PARD3B: variants seen among roughly 807,000 people sequenced by gnomAD.
The protein encoded by PARD3B is partitioning defective 3 homolog B.
PARD3B carries 103 observed loss-of-function variants against 130.2 expected under a neutral mutation model. That is an observed-to-expected ratio of 0.79 (90% CI 0.67 to 0.93). PARD3B has a LOEUF of 0.93. Ranked by LOEUF, PARD3B falls within the 40% of genes least tolerant of loss-of-function variation. PARD3B has a pLI of 0.00. For synonymous variants in PARD3B, 583 were observed against 553.2 expected (o/e 1.05, Z -0.76); for missense variants, 1,609 against 1,499.2 (o/e 1.07, Z -1.21).
chr2:205,438,876 C>T (rs2106154834), intron 19 of PARD3B, among the ~76,000 whole-genome samples: 1 of 152,268 alleles, frequency 6.6e-6, no homozygotes. Flanking sequence ...CATTTGTTTT[C>T]ATCTGTTGTA....
intron 18 of PARD3B, among the ~76,000 whole-genome samples, chr2:205,347,161 T>C (rs776784998): frequency 2.0e-5 from 3 of 152,210 alleles, no homozygotes; most frequent in Non-Finnish European, 4.4e-5. Flanking sequence ...GTTGTAGTTA[T>C]CACACTTTAT....
At chr2:205,574,991 A>AT (rs2053698230) in intron 22 of PARD3B, among the ~76,000 whole-genome samples, 1 of 151,820 alleles carries the variant, frequency 6.6e-6, no homozygotes, top group South Asian at 2.1e-4. Flanking sequence ...GACCCATCTC[A>AT]TAAGCTCCCT....
intron 11 of PARD3B, 28 bp from the exon 12 acceptor site, chr2:205,172,183 A>C (rs755740188): frequency 1.2e-6 from 2 of 1,608,136 alleles, no homozygotes; most frequent in East Asian, 4.5e-5. Flanking sequence ...TTCTCTGTTG[A>C]ATATTGTTTT....
At position 205,351,886 on chromosome 2, in the gene PARD3B, A is replaced by G. The variant is rs2044007438; in HGVS notation, c.2631-49127A>G. ...GCTTCTGAGGGATCTGTTTGTATACATAACATCCCAGTGTCTTTCTGTCAA... is the reference window on the plus strand; with the variant it reads ...GCTTCTGAGGGATCTGTTTGTATACGTAACATCCCAGTGTCTTTCTGTCAA... On this transcript the variant is annotated intron_variant, in intron 18 of 22. Coordinates refer to ENST00000406610, the MANE Select transcript of PARD3B (RefSeq NM_001302769.2). The surrounding 1 kb of genome is among the most constrained non-coding windows in gnomAD (Gnocchi z 4.2). 6.6e-6 allele frequency among the ~76,000 whole-genome samples: 1 copy of G among 152,078 alleles called. No homozygotes were observed. Among genetic ancestry groups the G allele is most frequent in the South Asian group, 2.1e-4 (1 of 4,820 alleles).
chr2:205,520,507 C>T (rs1264446871), intron 21 of PARD3B, among the ~76,000 whole-genome samples: 1 of 151,930 alleles, frequency 6.6e-6, no homozygotes, highest in Non-Finnish European at 1.5e-5. Flanking sequence ...CTCAATAGCT[C>T]GGGCCGGGGG....
rs973413164 is a variant in PARD3B at position 205,295,282 on chromosome 2, G to A, written c.2186-5248G>A. On this transcript the variant is annotated intron_variant, in intron 16 of 22. Coordinates refer to ENST00000406610, the MANE Select transcript of PARD3B (RefSeq NM_001302769.2). Reference sequence around the variant, plus strand: ...CGTTTCTATTGTGTTTGTCCAAGTTGACTGCTCATAATAAGGCAAGGCCAA... The same window carrying A: ...CGTTTCTATTGTGTTTGTCCAAGTTAACTGCTCATAATAAGGCAAGGCCAA... 2.0e-5 allele frequency among the ~76,000 whole-genome samples: 3 copies of A among 152,138 alleles called. No homozygotes were observed. In the East Asian group the frequency reaches 5.8e-4, roughly 29 times the overall value.
intron 15 of PARD3B, among the ~76,000 whole-genome samples, chr2:205,239,628 T>C (rs1271467418): frequency 6.6e-6 from 1 of 152,228 alleles, no homozygotes; most frequent in East Asian, 1.9e-4. Context: ...TTTAAGACTT[T>C]CTAAGGTTCA....
At chr2:205,139,303 A>G (rs1575922577) in intron 10 of PARD3B, among the ~76,000 whole-genome samples, 1 of 152,236 alleles carries the variant, frequency 6.6e-6, no homozygotes, top group African/African-American at 2.4e-5. Context: ...GTCATTGTCT[A>G]CTTAAAGCTT....
intron 16 of PARD3B, among the ~76,000 whole-genome samples, chr2:205,295,643 G>A (rs2041762392): frequency 6.6e-6 from 1 of 152,060 alleles, no homozygotes; most frequent in Admixed American, 6.6e-5. Flanking sequence ...TGGATGTATT[G>A]GAAGCAATTT....
rs1226175277 is a variant in PARD3B at position 205,281,137 on chromosome 2, A to G, written c.2186-19393A>G. On this transcript the variant is annotated intron_variant, in intron 16 of 22. Coordinates refer to ENST00000406610, the MANE Select transcript of PARD3B (RefSeq NM_001302769.2). This position sits in a 1 kb window ranked among gnomAD's most constrained non-coding sequence, Gnocchi z 4.2. ...CTGCTGGGCTGCTGGGGAGGGGCAT[A>G]GGCAGCCATAAAATGAAGCCGTAAA... Among the ~76,000 whole-genome samples, 1 of 152,188 alleles carries G rather than the reference A, an allele frequency of 6.6e-6. No individual in the cohort carries two copies. Among genetic ancestry groups the G allele is most frequent in the Admixed American group, 6.5e-5 (1 of 15,276 alleles).
intron 21 of PARD3B, among the ~76,000 whole-genome samples, chr2:205,518,440 T>C (rs2050886540): frequency 6.6e-6 from 1 of 152,166 alleles, no homozygotes; most frequent in Non-Finnish European, 1.5e-5. Flanking sequence ...TGGTAGATTT[T>C]CCTCTGTCCC....
chr2:205,609,664 T>C (rs560174179), intron 22 of PARD3B, among the ~76,000 whole-genome samples: 1 of 152,336 alleles, frequency 6.6e-6, no homozygotes, highest in South Asian at 2.1e-4. Flanking sequence ...AAAAACCCAA[T>C]GCATATGCCT....
Position 205,287,645 on chromosome 2 carries a change from G to T in PARD3B, c.2186-12885G>T, listed in dbSNP as rs1017303333. Among the ~76,000 whole-genome samples the T allele has an allele frequency of 1.3e-5, 2 of 152,162 alleles. No homozygotes were observed. The highest frequency in any genetic ancestry group is 4.8e-5 in the African/African-American group (2 of 41,438). The stretch of plus-strand genomic sequence containing the variant: ...GAGGAGGCATAGTACACCAAGGAAA[G>T]CCAGGATGCTCATTTTAGATAGAAT... On this transcript the variant is annotated intron_variant, in intron 16 of 22. Coordinates refer to ENST00000406610, the MANE Select transcript of PARD3B (RefSeq NM_001302769.2). The surrounding 1 kb of genome is among the most constrained non-coding windows in gnomAD (Gnocchi z 4.8).
At chr2:204,722,311 A>G (rs1574813943) in intron 2 of PARD3B, among the ~76,000 whole-genome samples, 1 of 152,326 alleles carries the variant, frequency 6.6e-6, no homozygotes, top group East Asian at 1.9e-4. Flanking sequence ...TTCTAATGGC[A>G]TAACAATAAA....
chr2:204,824,505 T>G (rs1247725722), intron 2 of PARD3B, among the ~76,000 whole-genome samples: 1 of 152,146 alleles, frequency 6.6e-6, no homozygotes, highest in Non-Finnish European at 1.5e-5. Flanking sequence ...TATTAAGCCC[T>G]CCTTGAACTA....
chr2:205,179,457 T>G (rs1271179919), intron 13 of PARD3B, among the ~76,000 whole-genome samples: 1 of 152,234 alleles, frequency 6.6e-6, no homozygotes, highest in Admixed American at 6.5e-5. Context: ...TCATGGTAAG[T>G]GTCCTATGCA....
intron 2 of PARD3B, among the ~76,000 whole-genome samples, chr2:204,732,982 C>T (rs2039581620): frequency 6.6e-6 from 1 of 152,080 alleles, no homozygotes; most frequent in Non-Finnish European, 1.5e-5. Flanking sequence ...AGAGTGCCTG[C>T]CATGATGGTG....
intron 2 of PARD3B, among the ~76,000 whole-genome samples, chr2:204,879,100 G>A (rs1313568923): frequency 6.6e-6 from 1 of 152,134 alleles, no homozygotes; most frequent in Admixed American, 6.5e-5. Context: ...TAGCTATTTT[G>A]TAGGAAAGGT....
chr2:204,566,534 C>T (rs1038555936), intron 1 of PARD3B, among the ~76,000 whole-genome samples: 1 of 152,050 alleles, frequency 6.6e-6, no homozygotes, highest in African/African-American at 2.4e-5. Context: ...CAACGTTTGT[C>T]TTATAAAGTT....
Sources: gnomAD v4.1 joint callset for allele counts (sites outside exome capture counted in the v4.1 genomes callset) on GRCh38, gnomAD v4.1.1 for gene constraint, Gnocchi (gnomAD v3.1) non-coding constraint, MANE v1.5 for transcripts, NCBI Gene and HGNC (gene_info 2026-07-23, HGNC 2026-07-21) for gene names.